The following KHDRBS2 variants were observed in gnomAD, a reference collection of about 807,000 sequenced individuals.
The protein encoded by KHDRBS2 is KH domain-containing, RNA-binding, signal transduction-associated protein 2.
Under a neutral mutation model 44.3 loss-of-function variants are expected in KHDRBS2, and 26 were observed. The observed-to-expected ratio is 0.59, with a 90% confidence interval of 0.43 to 0.81. KHDRBS2 has a LOEUF of 0.81. Ranked by LOEUF, KHDRBS2 falls within the 40% of genes least tolerant of loss-of-function variation. The pLI is 0.00. For synonymous variants in KHDRBS2, 194 were observed against 151.1 expected (o/e 1.28, Z -2.08); for missense variants, 476 against 433.1 (o/e 1.10, Z -0.88).
intron 3 of KHDRBS2, among the ~76,000 whole-genome samples, chr6:62,042,054 T>G (rs955403827): frequency 2.0e-5 from 3 of 152,068 alleles, no homozygotes; most frequent in Non-Finnish European, 4.4e-5. Flanking sequence ...ATATAACACA[T>G]ACTGAAATAA....
chr6:61,959,778 G>A (rs1324535226), intron 4 of KHDRBS2, among the ~76,000 whole-genome samples: 3 of 152,140 alleles, frequency 2.0e-5, no homozygotes, highest in Non-Finnish European at 4.4e-5. Flanking sequence ...TTCACTGGCA[G>A]CCATATTCAT....
chr6:62,164,692 G>A (rs1156655749), intron 2 of KHDRBS2, among the ~76,000 whole-genome samples: 1 of 151,730 alleles, frequency 6.6e-6, no homozygotes. Context: ...AACATAAATT[G>A]CTAGATATGC....
chr6:61,973,982 ACTC>A (rs1470021392), intron 4 of KHDRBS2, among the ~76,000 whole-genome samples: 22 of 151,818 alleles, frequency 1.4e-4, no homozygotes, highest in Admixed American at 1.4e-3. Context: ...CTGTGCAAAA[ACTC>A]CTCCTTTCAT....
chr6:61,931,343 A>T (rs1221674975), intron 4 of KHDRBS2, among the ~76,000 whole-genome samples: 1 of 152,016 alleles, frequency 6.6e-6, no homozygotes, highest in Admixed American at 6.6e-5. Flanking sequence ...TGGAAGTTTT[A>T]TAAAAGATGA....
intron 7 of KHDRBS2, among the ~76,000 whole-genome samples, chr6:61,700,336 G>C (rs1333342516): frequency 2.0e-5 from 3 of 150,780 alleles, no homozygotes; most frequent in Admixed American, 1.3e-4. Context: ...ATATGATAAA[G>C]AAGCACAGTT....
chr6:62,098,220 C>G (rs1191099678), intron 2 of KHDRBS2, among the ~76,000 whole-genome samples: 1 of 149,728 alleles, frequency 6.7e-6, no homozygotes, highest in African/African-American at 2.5e-5. Flanking sequence ...CTTACTCTTA[C>G]CAGTGAGTTT....
rs187005163 is a variant in KHDRBS2, at chr6:62,198,918, C to T, written c.92-21606G>A. 1.3e-4 allele frequency among the ~76,000 whole-genome samples: 20 copies of T among 152,228 alleles called. No individual in the cohort carries two copies. In the East Asian group the frequency reaches 2.7e-3, roughly 21 times the overall value. Reference sequence around the variant, plus strand: ...TCAAGTGGGCTTCATCCCTGGGAAGCGAGGCTGGTTCAACACTCACAAATC... The same window carrying T: ...TCAAGTGGGCTTCATCCCTGGGAAGTGAGGCTGGTTCAACACTCACAAATC... On this transcript the variant is annotated intron_variant, in intron 1 of 8. Transcript: ENST00000281156.
the KHDRBS2 span, among the ~76,000 whole-genome samples, chr6:61,569,371 G>A: frequency 6.6e-5 from 10 of 152,198 alleles, no homozygotes; most frequent in African/African-American, 2.4e-4. Context: ...CATCACCTGA[G>A]AAGCTAAAAT....
chr6:61,834,340 T>C (rs1792308314), intron 6 of KHDRBS2, among the ~76,000 whole-genome samples: 1 of 152,062 alleles, frequency 6.6e-6, no homozygotes, highest in South Asian at 2.1e-4. Flanking sequence ...AAAATATGTA[T>C]TTAATCAGCA....
chr6:62,208,992 A>C (rs968255152), intron 1 of KHDRBS2, among the ~76,000 whole-genome samples: 1 of 152,222 alleles, frequency 6.6e-6, no homozygotes, highest in South Asian at 2.1e-4. Context: ...AAAGCAAAAA[A>C]TAAATAAATG....
At chr6:61,579,770 A>T in the KHDRBS2 span, among the ~76,000 whole-genome samples, 1 of 152,092 alleles carries the variant, frequency 6.6e-6, no homozygotes, top group Non-Finnish European at 1.5e-5. Context: ...TGAAATGTGA[A>T]AGGCAGGCTG....
intron 2 of KHDRBS2, among the ~76,000 whole-genome samples, chr6:62,130,666 T>A (rs2150089640): frequency 6.6e-6 from 1 of 152,154 alleles, no homozygotes; most frequent in Non-Finnish European, 1.5e-5. Context: ...ATAAACCCAT[T>A]GTAAGTTGAA....
the KHDRBS2 span, among the ~76,000 whole-genome samples, chr6:61,598,099 C>T: frequency 6.6e-6 from 1 of 150,778 alleles, no homozygotes; most frequent in Admixed American, 6.6e-5. Context: ...CACCCCACTC[C>T]CTGCCACAAG....
chr6:61,715,596 T>C (rs1771267322), intron 7 of KHDRBS2, among the ~76,000 whole-genome samples: 1 of 152,034 alleles, frequency 6.6e-6, no homozygotes, highest in Admixed American at 6.6e-5. Context: ...AGCCTTGTAA[T>C]ACTTTCTCTT....
At chr6:62,196,576 G>A (rs1264580309) in intron 1 of KHDRBS2, among the ~76,000 whole-genome samples, 2 of 94,210 alleles carry the variant, frequency 2.1e-5, no homozygotes, top group African/African-American at 5.3e-5. Context: ...CTGTGGTATG[G>A]TCTATCCTTG....
intron 1 of KHDRBS2, among the ~76,000 whole-genome samples, chr6:62,260,398 T>G (rs1323191203): frequency 6.6e-6 from 1 of 151,958 alleles, no homozygotes; most frequent in Non-Finnish European, 1.5e-5. Flanking sequence ...TACCAAAATC[T>G]GATTGTCAGA....
intron 2 of KHDRBS2, among the ~76,000 whole-genome samples, chr6:62,062,115 C>A (rs968134871): frequency 2.0e-5 from 3 of 148,826 alleles, no homozygotes; most frequent in South Asian, 2.1e-4. Context: ...CAGGAGCACC[C>A]AGATTCATAA....
At chr6:61,877,887 TA>T (rs1006989699) in intron 6 of KHDRBS2, among the ~76,000 whole-genome samples, 16 of 151,966 alleles carry the variant, frequency 1.1e-4, no homozygotes, top group Non-Finnish European at 1.9e-4. Flanking sequence ...TGTTTTTTCA[TA>T]AAAATTATCT....
At chr6:62,053,171 T>C (rs1487591008) in intron 2 of KHDRBS2, among the ~76,000 whole-genome samples, 1 of 151,982 alleles carries the variant, frequency 6.6e-6, no homozygotes, top group Non-Finnish European at 1.5e-5. Context: ...AAATGTACTA[T>C]AAAGAAATAC....
Sources: allele counts gnomAD v4.1 joint callset (sites outside exome capture counted in the v4.1 genomes callset), GRCh38; gene constraint gnomAD v4.1.1; transcripts MANE v1.5; gene names NCBI Gene and HGNC (gene_info 2026-07-23, HGNC 2026-07-21).